MTCL3: variants seen among roughly 807,000 people sequenced by gnomAD.
MTCL3 encodes the protein microtubule cross-linking factor 3.
chr6:127,495,220 A>G, the MTCL3 span, among the ~76,000 whole-genome samples: 2 of 151,996 alleles, frequency 1.3e-5, no homozygotes, highest in Admixed American at 1.3e-4. Context: ...AAATTATTTT[A>G]TATCTTAGAT....
chr6:127,505,543 G>C, the MTCL3 span, among the ~76,000 whole-genome samples: 1 of 152,046 alleles, frequency 6.6e-6, no homozygotes, highest in Non-Finnish European at 1.5e-5. Context: ...AGGAGGGAGA[G>C]GATCAGGAAA....
chr6:127,506,571 C>T, the MTCL3 span, among the ~76,000 whole-genome samples: 623 of 152,070 alleles, frequency 4.1e-3, 4 homozygotes, highest in African/African-American at 0.014. Flanking sequence ...ATTTCAAATT[C>T]CCCCTCCCCC....
the MTCL3 span, among the ~76,000 whole-genome samples, chr6:127,509,585 C>A: frequency 6.6e-6 from 1 of 152,182 alleles, no homozygotes; most frequent in African/African-American, 2.4e-5. Flanking sequence ...TAACTAGTGT[C>A]TTTTCTCTTA....
At chr6:127,492,321 G>T in the MTCL3 span, among the ~76,000 whole-genome samples, 2 of 151,420 alleles carry the variant, frequency 1.3e-5, no homozygotes, top group Non-Finnish European at 2.9e-5. Flanking sequence ...TTCACCCCGG[G>T]ATTAAAAAAT....
the MTCL3 span, among the ~76,000 whole-genome samples, chr6:127,476,935 C>CT: frequency 6.6e-6 from 1 of 152,176 alleles, no homozygotes; most frequent in South Asian, 2.1e-4. The surrounding 1 kb of genome is among the most constrained non-coding windows in gnomAD (Gnocchi z 4.4). Flanking sequence ...TCAGAGTAAA[C>CT]TTAGGAGTAG....
At chr6:127,479,015 TAAAAAAAAAAA>T in the MTCL3 span, among the ~76,000 whole-genome samples, 1 of 52,332 alleles carries the variant, frequency 1.9e-5, no homozygotes, top group Non-Finnish European at 3.7e-5. Flanking sequence ...AGACTCCATC[TAAAAAAAAAAA>T]AAAAAAAAAA....
the MTCL3 span, among the ~76,000 whole-genome samples, chr6:127,483,926 C>G: frequency 1.3e-5 from 2 of 152,160 alleles, no homozygotes; most frequent in African/African-American, 4.8e-5. Context: ...GACAGAGAAG[C>G]AAACAATTAC....
the MTCL3 span, chr6:127,481,545 T>C: frequency 2.3e-6 from 2 of 857,486 alleles, no homozygotes; most frequent in Admixed American, 1.2e-4. Flanking sequence ...ATAGTTAATA[T>C]GTTATGCTTT....
the MTCL3 span, chr6:127,516,018 T>C: frequency 6.3e-7 from 1 of 1,585,552 alleles, no homozygotes; most frequent in Non-Finnish European, 8.5e-7. Context: ...CGCGTACGCC[T>C]TTCCCTCGCC....
chr6:127,495,879 G>A, the MTCL3 span, among the ~76,000 whole-genome samples: 2 of 152,092 alleles, frequency 1.3e-5, no homozygotes, highest in South Asian at 4.2e-4. Context: ...CTTGAAGAAC[G>A]GGTAAAGTTG....
the MTCL3 span, chr6:127,516,639 T>C: frequency 6.3e-7 from 1 of 1,588,216 alleles, no homozygotes; most frequent in South Asian, 1.1e-5. Flanking sequence ...CAGATGCGAT[T>C]TGGAAGAGCC....
the MTCL3 span, chr6:127,516,049 T>C: frequency 1.3e-6 from 2 of 1,545,802 alleles, no homozygotes; most frequent in South Asian, 1.2e-5. Flanking sequence ...CGGCGGCGGC[T>C]GCGGAGCGCC....
the MTCL3 span, among the ~76,000 whole-genome samples, chr6:127,486,962 AAG>A: frequency 6.6e-6 from 1 of 152,196 alleles, no homozygotes. Context: ...GATAAAATTA[AAG>A]AGAGATTCAT....
the MTCL3 span, among the ~76,000 whole-genome samples, chr6:127,512,339 AT>A: frequency 1.3e-5 from 2 of 152,194 alleles, no homozygotes. Context: ...CAGAGCTATG[AT>A]ATGATACAAT....
At chr6:127,492,665 C>T in the MTCL3 span, among the ~76,000 whole-genome samples, 100 of 151,984 alleles carry the variant, frequency 6.6e-4, no homozygotes, top group Non-Finnish European at 1.3e-3. Flanking sequence ...GGACTACAGG[C>T]GCCCGCCACC....
At chr6:127,479,653 A>G in the MTCL3 span, among the ~76,000 whole-genome samples, 1 of 152,264 alleles carries the variant, frequency 6.6e-6, no homozygotes, top group African/African-American at 2.4e-5. Flanking sequence ...GAATGAAAAC[A>G]ACAATTATTT....
the MTCL3 span, chr6:127,512,739 G>A: frequency 1.5e-6 from 1 of 646,504 alleles, no homozygotes; most frequent in Non-Finnish European, 2.6e-6. Flanking sequence ...TCATTTATTA[G>A]TATGAAATCA....
At chr6:127,516,032 C>A in the MTCL3 span, 6 of 1,571,840 alleles carry the variant, frequency 3.8e-6, no homozygotes, top group African/African-American at 4.1e-5. Context: ...CCTCGCCAGC[C>A]CCTGGGCGGC....
the MTCL3 span, among the ~76,000 whole-genome samples, chr6:127,485,728 C>T: frequency 6.6e-6 from 1 of 152,094 alleles, no homozygotes; most frequent in Non-Finnish European, 1.5e-5. Context: ...ATATTGTACT[C>T]TTTCCCCAAA....
Sources: gnomAD v4.1 joint callset for allele counts (sites outside exome capture counted in the v4.1 genomes callset) on GRCh38, gnomAD v4.1.1 for gene constraint, Gnocchi (gnomAD v3.1) non-coding constraint, MANE v1.5 for transcripts, NCBI Gene and HGNC (gene_info 2026-07-23, HGNC 2026-07-21) for gene names.